C17orf113: variants seen among roughly 807,000 people sequenced by gnomAD.
C17orf113 encodes uncharacterized protein C17orf113.
A neutral mutation model predicts 11.6 loss-of-function variants in C17orf113; 5 were observed. That is an observed-to-expected ratio of 0.43 (90% CI 0.23 to 0.91). C17orf113 has a LOEUF of 0.91. Ranked by LOEUF, C17orf113 falls within the 40% of genes least tolerant of loss-of-function variation. The pLI, the probability that C17orf113 is intolerant of heterozygous loss-of-function variation, is 0.26. For missense variants in C17orf113, 714 were observed against 841.3 expected (o/e 0.85, Z 1.87); for synonymous variants, 327 against 390.6 (o/e 0.84, Z 1.92).
At chr17:42,042,085 A>G (rs970665457) in intron 2 of C17orf113, among the ~76,000 whole-genome samples, 2 of 152,246 alleles carry the variant, frequency 1.3e-5, no homozygotes, top group Non-Finnish European at 2.9e-5. Context: ...CAGCCCCAAA[A>G]GAAAACTAAG....
chr17:42,047,418 G>T (rs551588214), intron 1 of C17orf113, among the ~76,000 whole-genome samples: 1 of 151,966 alleles, frequency 6.6e-6, no homozygotes. Context: ...CAGATGATCC[G>T]CCCATCTCAG....
chr17:42,047,563 A>G (rs1221921671), intron 1 of C17orf113, among the ~76,000 whole-genome samples: 1 of 152,154 alleles, frequency 6.6e-6, no homozygotes, highest in Non-Finnish European at 1.5e-5. Context: ...AGGTGGGTAA[A>G]ACAAGGGCAG....
intron 1 of C17orf113, among the ~76,000 whole-genome samples, chr17:42,044,981 A>G (rs1370012865): frequency 6.8e-6 from 1 of 148,100 alleles, no homozygotes; most frequent in Admixed American, 6.9e-5. Context: ...GCAGTGGCGC[A>G]ATCTTGGCTC....
In C17orf113 at chr17:42,043,106, C is replaced by T. The variant is rs1598186552; in HGVS notation, c.271G>A (p.Val91Ile). Reference protein sequence around the residue: ...TSGAHRQALAVNQGQPPFEGQ... With the variant: ...TSGAHRQALAINQGQPPFEGQ... ...TCAAAAGGGGGCTGGCCCTGGTTGA[C>T]AGCCAGAGCCTGGCGGTGGGCTCCT... Residue 91 changes from valine to isoleucine, a missense_variant, in exon 2 of 3, where the codon GTC (valine) becomes ATC (isoleucine). Around this residue, in one of 3 missense-constraint regions of C17orf113, gnomAD observed 516 missense variants for 626.6 expected, o/e 0.82. Transcript: ENST00000587304. 4.9e-6 allele frequency: 6 copies of T among 1,232,256 alleles called. No homozygotes were observed. The East Asian group carries it at 1.9e-4, about 39-fold the overall frequency. The allele number at this position is 1,232,256 out of a possible 1,614,324, so 76.3% of individuals were successfully genotyped here.
chr17:42,039,351 T>A lies in C17orf113; in HGVS notation c.*354A>T. On this transcript the variant is annotated 3_prime_UTR_variant, in exon 3 of 3. Coordinates refer to ENST00000587304, the MANE Select transcript of C17orf113 (RefSeq NM_001358661.2). ...CTCAATTTCCAAGACCTAGTCTTCC[T>A]TCCCCAAGCCAAAAACTCCCATCTT... 1 of 232,156 alleles carries A rather than the reference T, an allele frequency of 4.3e-6. No homozygotes were observed. The highest frequency in any genetic ancestry group is 8.3e-6 in the Non-Finnish European group (1 of 120,644). 14.4% of individuals were successfully genotyped at this position (232,156 alleles called of 1,614,324 possible). A position where few individuals can be genotyped will look rare whatever the true frequency, so the allele number is the denominator to read the frequency against.
intron 2 of C17orf113, among the ~76,000 whole-genome samples, chr17:42,042,248 G>A (rs994986927): frequency 1.2e-4 from 19 of 152,064 alleles, no homozygotes; most frequent in African/African-American, 4.1e-4. Context: ...GAGGCCAGGC[G>A]CGGTTGCTTA....
At chr17:42,043,607 G>A in intron 1 of C17orf113, 44 bp from the exon 2 acceptor site, 1 of 367,840 alleles carries the variant, frequency 2.7e-6, no homozygotes, top group East Asian at 4.0e-5. Context: ...GGTCTGTCAT[G>A]GTAGGGGTGG....
chr17:42,038,414 A>T lies in C17orf113; in HGVS notation c.*1291T>A. The T allele has an allele frequency of 7.7e-6, 2 of 260,102 alleles. No homozygotes were observed. The highest frequency in any genetic ancestry group is 1.2e-4 in the South Asian group (2 of 16,986). The allele number at this position is 260,102 out of a possible 1,614,324, so 16.1% of individuals were successfully genotyped here. On this transcript the variant is annotated 3_prime_UTR_variant, in exon 3 of 3. Coordinates refer to ENST00000587304, the MANE Select transcript of C17orf113 (RefSeq NM_001358661.2). ...TGGGCTCTGAAGGGATGTGCTCCCCAGCTCTGATGAGGCCTAAACTGCTTC... is the reference window on the plus strand; with the variant it reads ...TGGGCTCTGAAGGGATGTGCTCCCCTGCTCTGATGAGGCCTAAACTGCTTC...
Position 42,039,941 on chromosome 17 carries a change from C to T in C17orf113, c.1792G>A (p.Ala598Thr), listed in dbSNP as rs1475317102. Residue 598 changes from alanine (A) to threonine (T), a missense_variant, in exon 3 of 3, where the codon GCC (alanine) becomes ACC (threonine). Ala to Thr is a moderately conservative substitution (Grantham distance 58). This residue lies in a region of C17orf113 where 194 missense variants were observed against 197.2 expected (regional missense o/e 0.98). Coordinates refer to ENST00000587304, the MANE Select transcript of C17orf113 (RefSeq NM_001358661.2). ...SELHELFPDF[A>T]ALAALALALP... ...GCCAAAGCCAAGGCGGCTAGGGCGG[C>T]GAAGTCGGGGAAGAGCTCGTGCAGC... 9.7e-6 allele frequency: 12 copies of T among 1,231,250 alleles called. No individual in the cohort carries two copies. The highest frequency in any genetic ancestry group is 1.2e-5 in the Non-Finnish European group (12 of 987,596). The allele number at this position is 1,231,250 out of a possible 1,614,324, so 76.3% of individuals were successfully genotyped here.
chr17:42,039,833 C>T lies in C17orf113; in HGVS notation c.1900G>A (p.Gly634Ser). The stretch of plus-strand genomic sequence containing the variant: ...ATCTTCACCATGTGGCCCCCCCGGC[C>T]TTCCCCGGCCCCACTCTGCCCCCAC... ...RWWGQSGAGE[G>S]RGGHMVKIAV... The change falls in exon 3 of 3, where the codon GGC (glycine) becomes AGC (serine). Residue 634 changes from glycine to serine, a missense_variant. Physicochemically the swap from Gly to Ser is moderately conservative, Grantham distance 56. Around this residue, in one of 3 missense-constraint regions of C17orf113, gnomAD observed 194 missense variants for 197.2 expected, o/e 0.98. Coordinates refer to ENST00000587304, the MANE Select transcript of C17orf113 (RefSeq NM_001358661.2). The T allele has an allele frequency of 8.1e-7, 1 of 1,232,072 alleles. No homozygotes were observed. Among genetic ancestry groups the T allele is most frequent in the African/African-American group, 1.5e-5 (1 of 64,554 alleles). 76.3% of individuals were successfully genotyped at this position (1,232,072 alleles called of 1,614,324 possible). A position where few individuals can be genotyped will look rare whatever the true frequency, so the allele number is the denominator to read the frequency against.
Position 42,039,760 on chromosome 17 carries a change from A to C in C17orf113, c.1973T>G (p.Val658Gly), listed in dbSNP as rs1322760254. 1 of 1,232,278 alleles carries C rather than the reference A, an allele frequency of 8.1e-7. No homozygotes were observed. The highest frequency in any genetic ancestry group is 3.2e-5 in the East Asian group (1 of 31,724). 76.3% of individuals were successfully genotyped at this position (1,232,278 alleles called of 1,614,324 possible). ...TCCCCACCCACTCTCTAAGAACTCC[A>C]CAGCCAACCCGAAGTCAAACTCGTG... ...PLHEFDFGLAVEFLESGWGEG... is the reference protein window; with the variant it reads ...PLHEFDFGLAGEFLESGWGEG... The change falls in exon 3 of 3, where the codon GTG becomes GGG. Residue 658 changes from valine (V) to glycine (G), a missense_variant. This residue lies in a region of C17orf113 where 194 missense variants were observed against 197.2 expected (regional missense o/e 0.98). Coordinates refer to ENST00000587304, the MANE Select transcript of C17orf113 (RefSeq NM_001358661.2).
intron 1 of C17orf113, among the ~76,000 whole-genome samples, chr17:42,047,969 G>C (rs2053203161): frequency 6.6e-6 from 1 of 152,024 alleles, no homozygotes; most frequent in Non-Finnish European, 1.5e-5. Flanking sequence ...ACTCTTGAGT[G>C]GCACTTGGTG....
rs985989451 is a variant in C17orf113, at chr17:42,039,612, C to A, written c.*93G>T. The A allele has an allele frequency of 8.8e-7, 1 of 1,133,250 alleles. No homozygotes were observed. 70.2% of individuals were successfully genotyped at this position (1,133,250 alleles called of 1,614,324 possible). Reference sequence around the variant, plus strand: ...CAGGCCCCTGGGAGGCTGCAGTCAGCAGATCATCTTGGGTGCAGCATGGTC... The same window carrying A: ...CAGGCCCCTGGGAGGCTGCAGTCAGAAGATCATCTTGGGTGCAGCATGGTC... On this transcript the variant is annotated 3_prime_UTR_variant, in exon 3 of 3. Transcript: ENST00000587304.
intron 1 of C17orf113, among the ~76,000 whole-genome samples, chr17:42,049,289 T>A (rs1244125060): frequency 6.6e-6 from 1 of 152,242 alleles, no homozygotes; most frequent in Non-Finnish European, 1.5e-5. Flanking sequence ...TCCCTGTTTG[T>A]TCTCTCCATT....
At chr17:42,045,233 A>G (rs1275682314) in intron 1 of C17orf113, among the ~76,000 whole-genome samples, 1 of 152,074 alleles carries the variant, frequency 6.6e-6, no homozygotes, top group Non-Finnish European at 1.5e-5. Context: ...TTATATTTTT[A>G]GTAGAGACGG....
rs1228575900 is a variant in C17orf113, at chr17:42,038,878, CTG to C, written c.*825_*826del. The C allele has an allele frequency of 1.3e-5, 2 of 152,272 alleles. No homozygotes were observed. The highest frequency in any genetic ancestry group is 4.8e-5 in the African/African-American group (2 of 41,454). The allele number at this position is 152,272 out of a possible 1,614,324, so 9.4% of individuals were successfully genotyped here. ...GCTTGTGTACAGAGAGGACACTGTG[CTG>C]TGTGTCAGAAACAAGCACGGTCATC... On this transcript the variant is annotated 3_prime_UTR_variant, in exon 3 of 3. Coordinates refer to ENST00000587304, the MANE Select transcript of C17orf113 (RefSeq NM_001358661.2).
chr17:42,042,218 A>C (rs1555656193), intron 2 of C17orf113, among the ~76,000 whole-genome samples: 1 of 151,996 alleles, frequency 6.6e-6, no homozygotes, highest in Non-Finnish European at 1.5e-5. Context: ...TGTTTAAAAA[A>C]AACCAAAAAA....
chr17:42,042,212 T>TA (rs201957820), intron 2 of C17orf113, among the ~76,000 whole-genome samples: 16 of 150,748 alleles, frequency 1.1e-4, no homozygotes, highest in East Asian at 3.9e-4. Context: ...TCTCTATGTT[T>TA]AAAAAAAACC....
chr17:42,043,893 G>A (rs1203383647), intron 1 of C17orf113, among the ~76,000 whole-genome samples: 3 of 152,196 alleles, frequency 2.0e-5, no homozygotes, highest in East Asian at 1.9e-4. Context: ...GGGAAACTGA[G>A]TCTGGAGACA....
Sources: gnomAD v4.1 joint callset for allele counts (sites outside exome capture counted in the v4.1 genomes callset) on GRCh38, gnomAD v4.1.1 for gene constraint, gnomAD v4.1.1 regional missense constraint, MANE v1.5 for transcripts, NCBI Gene and HGNC (gene_info 2026-07-23, HGNC 2026-07-21) for gene names.